Variants in CIP2A observed in about 807,000 individuals in gnomAD.
The protein encoded by CIP2A is cellular inhibitor of PP2A.
A neutral mutation model predicts 110.9 loss-of-function variants in CIP2A; 103 were observed. That is an observed-to-expected ratio of 0.93 (90% CI 0.79 to 1.09). The LOEUF is 1.09. CIP2A is among the 50% of genes least tolerant of loss of function. CIP2A has a pLI of 0.00. For missense variants in CIP2A, 1,088 were observed against 1,038.4 expected, an observed-to-expected ratio of 1.05 and a Z score of -0.66; for synonymous variants, 381 against 361.6, an observed-to-expected ratio of 1.05 and a Z score of -0.61.
intron 5 of CIP2A, among the ~76,000 whole-genome samples, chr3:108,580,472 C>CACA (rs1480306311): frequency 6.7e-6 from 1 of 149,444 alleles, no homozygotes; most frequent in East Asian, 1.9e-4. Context: ...CACACACACA[C>CACA]AGTTACTCCA....
At chr3:108,581,962 T>C (rs1938895252) in intron 4 of CIP2A, 146 bp downstream of exon 4, 1 of 422,950 alleles carries the variant, frequency 2.4e-6, no homozygotes, top group Non-Finnish European at 4.3e-6. Context: ...ATCCTTAAAA[T>C]CATCTGGGCA....
chr3:108,580,436 A>AACACACACACACACACACACAC (rs375166090), intron 5 of CIP2A, among the ~76,000 whole-genome samples: 20 of 142,260 alleles, frequency 1.4e-4, no homozygotes, highest in Middle Eastern at 3.5e-3. Flanking sequence ...CAGAAATTGA[A>AACACACACACACACACACACAC]ACACACACAC....
intron 8 of CIP2A, among the ~76,000 whole-genome samples, chr3:108,573,996 T>A (rs1006007119): frequency 1.3e-5 from 2 of 152,128 alleles, no homozygotes; most frequent in South Asian, 4.1e-4. Context: ...TCCATCTTTG[T>A]GACTTTGTAA....
In CIP2A at chr3:108,575,553, T is replaced by C. The variant is rs1287348493; in HGVS notation, c.894+718A>G. Among the ~76,000 whole-genome samples the C allele has an allele frequency of 5.3e-5, 8 of 149,946 alleles. 1 individual carries two copies. Among genetic ancestry groups the C allele is most frequent in the East Asian group, 1.9e-4 (1 of 5,144 alleles). ...ACGTATATATACTCATATACATGTG[T>C]ATATATACGTGTATATATACTCATA... On this transcript the variant is annotated intron_variant, in intron 8 of 20. Transcript: ENST00000295746.
intron 19 of CIP2A, 23 bp from the exon 20 acceptor site, chr3:108,552,396 T>C (rs1937617199): frequency 1.4e-6 from 2 of 1,463,368 alleles, no homozygotes; most frequent in Non-Finnish European, 1.8e-6. Context: ...AAAAGTCAAG[T>C]ATTATACTCA....
Position 108,552,327 on chromosome 3 carries a change from T to C in CIP2A, c.2454A>G (p.Leu818=). The change falls in exon 20 of 21, where the codon TTA becomes TTG. Residue 818 remains leucine (L), a synonymous_variant. Coordinates refer to ENST00000295746, the MANE Select transcript of CIP2A (RefSeq NM_020890.3). Reference sequence around the variant, plus strand: ...CTTCCTTATCTTCCCTTTCCTTTTGTAAGGTTTTAATCTTTTCTTCTTGTA... The same window carrying C: ...CTTCCTTATCTTCCCTTTCCTTTTGCAAGGTTTTAATCTTTTCTTCTTGTA... ...TKVQEEKIKT[L]QKEREDKEET... 4 of 1,553,164 alleles carry C rather than the reference T, an allele frequency of 2.6e-6. No individual in the cohort carries two copies. The South Asian group carries it at 3.6e-5, about 14-fold the overall frequency.
rs1160200410 is a variant in CIP2A at position 108,563,255 on chromosome 3, C to A, written c.1516-11G>T. On this transcript the variant is annotated splice_polypyrimidine_tract_variant and intron_variant, in intron 12 of 20. Transcript: ENST00000295746. ...AATCAAACGTGGGTCCTAAATAAATCAGAAACCAAAAAAGAAGCAGCAGAA... is the reference window on the plus strand; with the variant it reads ...AATCAAACGTGGGTCCTAAATAAATAAGAAACCAAAAAAGAAGCAGCAGAA... The A allele has an allele frequency of 1.3e-6, 2 of 1,496,632 alleles. No individual in the cohort carries two copies. Among genetic ancestry groups the A allele is most frequent in the South Asian group, 1.1e-5 (1 of 87,788 alleles). The allele number at this position is 1,496,632 out of a possible 1,614,324, so 92.7% of individuals were successfully genotyped here.
At chr3:108,558,653 A>T (rs920326178) in intron 16 of CIP2A, among the ~76,000 whole-genome samples, 1 of 152,144 alleles carries the variant, frequency 6.6e-6, no homozygotes, top group Non-Finnish European at 1.5e-5. Context: ...GGATCGTCAA[A>T]CACGTGTGGG....
intron 5 of CIP2A, among the ~76,000 whole-genome samples, chr3:108,580,955 T>TA (rs900135334): frequency 1.1e-4 from 16 of 152,200 alleles, no homozygotes; most frequent in African/African-American, 3.6e-4. Flanking sequence ...GTGATTCAGT[T>TA]AAATTCATTT....
rs781539607 is a variant in CIP2A at position 108,560,842 on chromosome 3, C to A, written c.1635-1G>T. ...GTTTGCTGCTATACTTTCTCCAAGTCTGAATGGGAGTCAAAGAAAGGAAAA... is the reference window on the plus strand; with the variant it reads ...GTTTGCTGCTATACTTTCTCCAAGTATGAATGGGAGTCAAAGAAAGGAAAA... On this transcript the variant is annotated splice_acceptor_variant, in intron 13 of 20. Transcript: ENST00000295746. LOFTEE classifies it high-confidence loss of function. The A allele has an allele frequency of 2.6e-6, 4 of 1,542,176 alleles. No individual in the cohort carries two copies. The African/African-American group carries it at 4.2e-5, about 16-fold the overall frequency.
rs759593367 is a variant in CIP2A at position 108,554,447 on chromosome 3, T to C, written c.2253A>G (p.Thr751=). 108 of 1,553,334 alleles carry C rather than the reference T, an allele frequency of 7.0e-5. No individual in the cohort carries two copies. The Middle Eastern group carries it at 8.6e-4, about 12-fold the overall frequency. ...TEKKNKDLQI[T]CDSLNKQIET... ...CAATTTGTTTATTCAGAGAATCACA[T>C]GTGATCTGTAAATCTTTATTCTTCT... The change falls in exon 18 of 21, where the codon ACA becomes ACG. Residue 751 remains threonine (T), a synonymous_variant. Transcript: ENST00000295746.
At chr3:108,583,323 ATTAT>A (rs2107369467) in intron 2 of CIP2A, among the ~76,000 whole-genome samples, 1 of 152,310 alleles carries the variant, frequency 6.6e-6, no homozygotes, top group East Asian at 1.9e-4. Flanking sequence ...TTTGATACTA[ATTAT>A]TTTAGTATCA....
At position 108,569,526 on chromosome 3, in the gene CIP2A, G is replaced by A. The variant is rs946381169; in HGVS notation, c.976C>T (p.Pro326Ser). The stretch of plus-strand genomic sequence containing the variant: ...TGGCTTCCCAGAGTGGCGCTGCCAG[G>A]TGGAGACTGTTCAAACATCATCTGA... ...LTQMMFEQSP[P>S]GSATLGSHTK... is the part of the protein sequence containing the mutation. Residue 326 changes from proline (P) to serine (S), a missense_variant, in exon 9 of 21, where the codon CCT (proline) becomes TCT (serine). Coordinates refer to ENST00000295746, the MANE Select transcript of CIP2A (RefSeq NM_020890.3). 9.3e-6 allele frequency: 15 copies of A among 1,612,648 alleles called. No individual in the cohort carries two copies. The highest frequency in any genetic ancestry group is 1.3e-5 in the African/African-American group (1 of 74,762).
chr3:108,552,082 A>G (rs1576294917), intron 20 of CIP2A, 152 bp downstream of exon 20: 1 of 530,414 alleles, frequency 1.9e-6, no homozygotes, highest in Non-Finnish European at 3.2e-6. Context: ...CATTATGAAA[A>G]CCTCATAACA....
intron 8 of CIP2A, among the ~76,000 whole-genome samples, chr3:108,576,039 A>G (rs1285247064): frequency 1.3e-5 from 2 of 151,824 alleles, no homozygotes; most frequent in East Asian, 3.9e-4. Context: ...CATCCTTGGT[A>G]AAGGTAAGGA....
At chr3:108,570,833 C>T (rs1440406864) in intron 8 of CIP2A, among the ~76,000 whole-genome samples, 1 of 152,122 alleles carries the variant, frequency 6.6e-6, no homozygotes, top group Admixed American at 6.6e-5. Flanking sequence ...TTAACCTTAG[C>T]TTAGCAGAAC....
rs2083887257 is a variant in CIP2A, at chr3:108,550,841, G to C, written c.*308C>G. 6.1e-6 allele frequency: 1 copy of C among 164,596 alleles called. No individual in the cohort carries two copies. Among genetic ancestry groups the C allele is most frequent in the Admixed American group, 6.4e-5 (1 of 15,684 alleles). 10.2% of individuals were successfully genotyped at this position (164,596 alleles called of 1,614,324 possible). On this transcript the variant is annotated 3_prime_UTR_variant, in exon 21 of 21. Transcript: ENST00000295746. ...TAAATAAGACAGGCAAAACAGAATA[G>C]AAAGCAACTAAGAAAAAGGAAAGAA...
intron 1 of CIP2A, among the ~76,000 whole-genome samples, chr3:108,587,477 C>A (rs369764607): frequency 1.3e-5 from 2 of 152,194 alleles, no homozygotes; most frequent in East Asian, 3.9e-4. Flanking sequence ...AATGAAGAAA[C>A]CCTATGGGGC....
intron 5 of CIP2A, 149 bp downstream of exon 5, chr3:108,581,266 G>T: frequency 1.6e-6 from 1 of 608,762 alleles, no homozygotes. Flanking sequence ...TTATTTGTAT[G>T]TCAATCTGAC....
Sources: allele counts gnomAD v4.1 joint callset (sites outside exome capture counted in the v4.1 genomes callset), GRCh38; gene constraint gnomAD v4.1.1; transcripts MANE v1.5; gene names NCBI Gene and HGNC (gene_info 2026-07-23, HGNC 2026-07-21).